SLC30A5: variants seen among roughly 807,000 people sequenced by gnomAD.
The protein encoded by SLC30A5 is solute carrier family 30 member 5, also known as proton-coupled zinc antiporter SLC30A5.
SLC30A5 carries 33 observed loss-of-function variants against 79.6 expected under a neutral mutation model. That is an observed-to-expected ratio of 0.41 (90% confidence interval 0.31 to 0.55). The LOEUF (loss-of-function observed/expected upper bound fraction) is 0.55. Ranked by LOEUF, SLC30A5 falls within the 20% of genes least tolerant of loss-of-function variation. The pLI is 0.20. For synonymous variants in SLC30A5, 299 were observed against 319.7 expected (o/e 0.94, Z 0.69); for missense variants, 788 against 928.1 (o/e 0.85, Z 1.96).
At chr5:69,128,476 T>C (rs1184495886) in intron 15 of SLC30A5, among the ~76,000 whole-genome samples, 1 of 152,096 alleles carries the variant, frequency 6.6e-6, no homozygotes, top group Non-Finnish European at 1.5e-5. Flanking sequence ...TTGGCCAGTC[T>C]AGTCTCAAAC....
intron 2 of SLC30A5, 28 bp downstream of exon 2, chr5:69,100,957 A>G (rs766366954): frequency 1.3e-6 from 2 of 1,529,648 alleles, no homozygotes; most frequent in Non-Finnish European, 8.8e-7. Flanking sequence ...TTTTTTCTTG[A>G]TATTTTTTAT....
At chr5:69,107,544 G>A (rs1335837681) in intron 4 of SLC30A5, among the ~76,000 whole-genome samples, 2 of 152,162 alleles carry the variant, frequency 1.3e-5, no homozygotes, top group South Asian at 2.1e-4. Flanking sequence ...TGTATGTACT[G>A]TATTATATGA....
intron 13 of SLC30A5, 87 bp downstream of exon 13, chr5:69,121,982 G>A: frequency 9.3e-7 from 1 of 1,071,888 alleles, no homozygotes; most frequent in Non-Finnish European, 1.3e-6. Flanking sequence ...TTGGGCTTCT[G>A]GTATGATATG....
intron 5 of SLC30A5, among the ~76,000 whole-genome samples, chr5:69,112,109 C>T (rs976237781): frequency 5.3e-5 from 8 of 151,952 alleles, no homozygotes; most frequent in African/African-American, 1.9e-4. Context: ...ACCACCCTGA[C>T]CAACATGGTG....
chr5:69,107,198 C>T (rs537526429), intron 4 of SLC30A5, among the ~76,000 whole-genome samples: 1 of 152,110 alleles, frequency 6.6e-6, no homozygotes, highest in Non-Finnish European at 1.5e-5. Flanking sequence ...CACACATTAG[C>T]CTATACCTAC....
chr5:69,118,632 A>C lies in SLC30A5; in HGVS notation c.1569+4A>C, dbSNP rs748270148. The C allele has an allele frequency of 6.4e-7, 1 of 1,566,872 alleles. No homozygotes were observed. Among genetic ancestry groups the C allele is most frequent in the Non-Finnish European group, 8.6e-7 (1 of 1,162,710 alleles). On this transcript the variant is annotated splice_donor_region_variant and intron_variant, in intron 12 of 15. Transcript: ENST00000396591. ...ATTAGACACTCACATGTTAACAGTA[A>C]GTCTTTTTATTTTCCTATTTGGATT... is the stretch of plus-strand genomic sequence containing the variant.
intron 13 of SLC30A5, 49 bp from the exon 14 acceptor site, chr5:69,123,149 TA>T: frequency 7.5e-7 from 1 of 1,333,316 alleles, no homozygotes; most frequent in South Asian, 1.4e-5. Context: ...ATTAAAAAAC[TA>T]AATTAGATGT....
At chr5:69,123,112 A>G (rs1000445903) in intron 13 of SLC30A5, 87 bp from the exon 14 acceptor site, 1 of 833,854 alleles carries the variant, frequency 1.2e-6, no homozygotes, top group Non-Finnish European at 1.9e-6. Context: ...GGTGCACAGT[A>G]GGTATCCAGT....
rs558227025 is a variant in SLC30A5 at position 69,128,211 on chromosome 5, A to G, written c.2127+79A>G. 7.8e-6 allele frequency: 8 copies of G among 1,022,814 alleles called. No individual in the cohort carries two copies. In the East Asian group the frequency reaches 2.2e-4, roughly 28 times the overall value. 63.4% of individuals were successfully genotyped at this position (1,022,814 alleles called of 1,614,324 possible). Reference sequence around the variant, plus strand: ...GTACACCTCATAAGTTATATGGCTCAGTAGTCATTTACTATTCAGAAATAT... The same window carrying G: ...GTACACCTCATAAGTTATATGGCTCGGTAGTCATTTACTATTCAGAAATAT... On this transcript the variant is annotated intron_variant, in intron 15 of 15. Transcript: ENST00000396591.
chr5:69,094,073 C>G lies in SLC30A5; in HGVS notation c.-183C>G, dbSNP rs1253690259. 1 of 401,316 alleles carries G rather than the reference C, an allele frequency of 2.5e-6. No homozygotes were observed. Among genetic ancestry groups the G allele is most frequent in the Non-Finnish European group, 4.4e-6 (1 of 225,854 alleles). 24.9% of individuals were successfully genotyped at this position (401,316 alleles called of 1,614,324 possible). ...CCGCCGGAACTGATCGCGGCCTAGTCCCGACGCGTGTGTGCTAGTGAGCCG... is the reference window on the plus strand; with the variant it reads ...CCGCCGGAACTGATCGCGGCCTAGTGCCGACGCGTGTGTGCTAGTGAGCCG... On this transcript the variant is annotated 5_prime_UTR_variant, in exon 1 of 16. Transcript: ENST00000396591.
intron 5 of SLC30A5, among the ~76,000 whole-genome samples, chr5:69,111,288 G>A (rs1189107812): frequency 1.3e-5 from 2 of 150,602 alleles, no homozygotes; most frequent in African/African-American, 2.4e-5. Context: ...CACCACGCCC[G>A]GACTTTTTTT....
intron 11 of SLC30A5, among the ~76,000 whole-genome samples, chr5:69,117,789 A>C (rs1746411577): frequency 6.6e-6 from 1 of 151,774 alleles, no homozygotes; most frequent in African/African-American, 2.4e-5. Context: ...AGGCAGGAGA[A>C]TCGCTTGAAC....
intron 14 of SLC30A5, among the ~76,000 whole-genome samples, chr5:69,124,768 C>T (rs1353271003): frequency 6.6e-6 from 1 of 152,102 alleles, no homozygotes; most frequent in African/African-American, 2.4e-5. Flanking sequence ...TGGGGTTTCG[C>T]CATGTTGGCC....
At position 69,116,655 on chromosome 5, in the gene SLC30A5, T is replaced by C. The variant is rs556296297; in HGVS notation, c.1281+53T>C. 268 of 1,260,424 alleles carry C rather than the reference T, an allele frequency of 2.1e-4. No homozygotes were observed. The African/African-American group carries it at 3.8e-3, about 18-fold the overall frequency. 78.1% of individuals were successfully genotyped at this position (1,260,424 alleles called of 1,614,324 possible). ...ATCCTAAAAGCATAATATTTTAATT[T>C]TGACAGTTCTGGTATAAGTTTAGTA... On this transcript the variant is annotated intron_variant, in intron 10 of 15. Coordinates refer to ENST00000396591, the MANE Select transcript of SLC30A5 (RefSeq NM_022902.5). The surrounding 1 kb of genome is among the most constrained non-coding windows in gnomAD (Gnocchi z 4.0).
chr5:69,095,149 A>C (rs1325531111), intron 1 of SLC30A5, among the ~76,000 whole-genome samples: 1 of 151,894 alleles, frequency 6.6e-6, no homozygotes, highest in Non-Finnish European at 1.5e-5. Flanking sequence ...AGAAAGTGAT[A>C]AATGTGATAA....
Position 69,115,951 on chromosome 5 carries a change from T to C in SLC30A5, c.809T>C (p.Leu270Pro). Residue 270 changes from leucine to proline, a missense_variant, in exon 9 of 16, where the codon CTC (leucine) becomes CCC (proline). By Grantham distance (98) the Leu-to-Pro change is moderately conservative (BLOSUM62 -3). Coordinates refer to ENST00000396591, the MANE Select transcript of SLC30A5 (RefSeq NM_022902.5). ...TESKVESWFS[L>P]IMPFATVIFF... Reference sequence around the variant, plus strand: ...AGTAAAGTGGAGTCTTGGTTTTCTCTCATTATGCCTTTTGCAACGGTTATC... The same window carrying C: ...AGTAAAGTGGAGTCTTGGTTTTCTCCCATTATGCCTTTTGCAACGGTTATC... The C allele has an allele frequency of 6.2e-7, 1 of 1,611,696 alleles. No homozygotes were observed. The highest frequency in any genetic ancestry group is 8.5e-7 in the Non-Finnish European group (1 of 1,178,996).
At chr5:69,115,136 A>G (rs1323116385) in intron 7 of SLC30A5, 101 bp from the exon 8 acceptor site, 110 of 18,704 alleles carry the variant, frequency 5.9e-3, no homozygotes, top group Middle Eastern at 0.042. Flanking sequence ...GTCTCTGGGG[A>G]AAAAAAAAAA....
rs1013656959 is a variant in SLC30A5, at chr5:69,121,786, C to G, written c.1662C>G (p.Ser554Arg). The change falls in exon 13 of 16, where the codon AGC becomes AGG. Residue 554 changes from serine (S) to arginine (R), a missense_variant. Physicochemically the swap from Ser to Arg is moderately radical, Grantham distance 110. Around this residue, in one of 3 missense-constraint regions of SLC30A5, gnomAD observed 626 missense variants for 755.5 expected, o/e 0.83. Coordinates refer to ENST00000396591, the MANE Select transcript of SLC30A5 (RefSeq NM_022902.5). ...ATGCCCATGGAGCTTCTCAAGGAAG[C>G]TGTCACTCATCTGATCACAGCCATT... ...HSHAHGASQG[S>R]CHSSDHSHSH... The G allele has an allele frequency of 2.5e-6, 4 of 1,612,138 alleles. No individual in the cohort carries two copies. The highest frequency in any genetic ancestry group is 1.3e-5 in the African/African-American group (1 of 74,854).
intron 4 of SLC30A5, among the ~76,000 whole-genome samples, chr5:69,107,579 C>T (rs561204785): frequency 2.0e-5 from 3 of 152,154 alleles, no homozygotes; most frequent in Non-Finnish European, 2.9e-5. Flanking sequence ...GGCTTGTTTA[C>T]ACCAGCATCA....
Sources: allele counts gnomAD v4.1 joint callset (sites outside exome capture counted in the v4.1 genomes callset), GRCh38; gene constraint gnomAD v4.1.1; regional missense constraint gnomAD v4.1.1; non-coding constraint Gnocchi (gnomAD v3.1); transcripts MANE v1.5; gene names NCBI Gene and HGNC (gene_info 2026-07-23, HGNC 2026-07-21).